The following FBN2 variants were observed in gnomAD, a reference collection of about 807,000 sequenced individuals.
FBN2 encodes fibrillin 2, also known as fibrillin-2.
Under a neutral mutation model 355.6 loss-of-function variants are expected in FBN2, and 105 were observed. That is an observed-to-expected ratio of 0.30 (90% CI 0.25 to 0.35). The LOEUF (loss-of-function observed/expected upper bound fraction) is 0.35, where lower values mean the gene tolerates loss of function less well. Ranked by LOEUF, FBN2 falls within the 10% of genes least tolerant of loss-of-function variation. FBN2 has a pLI of 1.00. For synonymous variants in FBN2, 1,350 were observed against 1,301.2 expected (o/e 1.04, Z -0.81); for missense variants, 3,280 against 3,758.7 (o/e 0.87, Z 3.33).
chr5:128,301,144 T>C (rs1284629168), intron 47 of FBN2, among the ~76,000 whole-genome samples: 1 of 152,226 alleles, frequency 6.6e-6, no homozygotes, highest in Non-Finnish European at 1.5e-5. Flanking sequence ...TTGTTGTCTT[T>C]GCTTACTTTT....
chr5:128,422,780 C>T (rs970589687), intron 7 of FBN2, among the ~76,000 whole-genome samples: 1 of 152,132 alleles, frequency 6.6e-6, no homozygotes, highest in Admixed American at 6.6e-5. Flanking sequence ...CAAAACTTTA[C>T]TGTGTGTAAG....
chr5:128,287,245 C>G (rs1030951533), intron 54 of FBN2, 63 bp downstream of exon 54: 1 of 1,572,810 alleles, frequency 6.4e-7, no homozygotes, highest in Non-Finnish European at 8.7e-7. Flanking sequence ...ACTATAAAAT[C>G]ATTAAGATGT....
chr5:128,444,715 T>C (rs1754021904), intron 7 of FBN2, among the ~76,000 whole-genome samples: 1 of 152,234 alleles, frequency 6.6e-6, no homozygotes, highest in African/African-American at 2.4e-5. Context: ...ACTTGTACTG[T>C]CTTTCTCCCA....
intron 62 of FBN2, 100 bp downstream of exon 62, chr5:128,271,899 A>C: frequency 7.1e-7 from 1 of 1,401,102 alleles, no homozygotes; most frequent in Non-Finnish European, 1.0e-6. Flanking sequence ...TCTAAAATTC[A>C]AAGGCTATAC....
chr5:128,400,233 C>A, intron 8 of FBN2, among the ~76,000 whole-genome samples: 2 of 148,226 alleles, frequency 1.3e-5, no homozygotes, highest in South Asian at 2.2e-4. Flanking sequence ...CAAAATAAAC[C>A]AAAAGAAAAT....
Position 128,374,647 on chromosome 5 carries a change from C to T in FBN2, c.2076G>A (p.Met692Ile). The T allele has an allele frequency of 6.2e-7, 1 of 1,613,962 alleles. No individual in the cohort carries two copies. The highest frequency in any genetic ancestry group is 8.5e-7 in the Non-Finnish European group (1 of 1,179,906). Reference protein sequence around the residue: ...CDCPPGLAVGMDGRVCVDTHM... With the variant: ...CDCPPGLAVGIDGRVCVDTHM... ...ACTTACCAACACACACACGTCCATC[C>T]ATGCCCACAGCCAGGCCTGGGGGAC... The change falls in exon 15 of 65, where the codon ATG becomes ATA. Residue 692 changes from methionine (M) to isoleucine (I), a missense_variant. By Grantham distance (10) the Met-to-Ile change is conservative (BLOSUM62 1). Transcript: ENST00000262464.
At chr5:128,422,816 T>C (rs914892131) in intron 7 of FBN2, among the ~76,000 whole-genome samples, 4 of 152,192 alleles carry the variant, frequency 2.6e-5, no homozygotes, top group African/African-American at 7.2e-5. Flanking sequence ...TTATTAAACA[T>C]GCAGATTTTG....
At chr5:128,449,475 A>C (rs1561462842) in intron 6 of FBN2, among the ~76,000 whole-genome samples, 2 of 147,618 alleles carry the variant, frequency 1.4e-5, no homozygotes, top group Non-Finnish European at 3.0e-5. Context: ...ATACTATTAA[A>C]CTATGGCATA....
intron 5 of FBN2, among the ~76,000 whole-genome samples, chr5:128,500,907 T>C (rs2127139607): frequency 6.6e-6 from 1 of 152,356 alleles, no homozygotes; most frequent in East Asian, 1.9e-4. Context: ...CCAGTCATTG[T>C]GATCTCTACC....
chr5:128,393,783 C>T (rs773044017), intron 9 of FBN2, among the ~76,000 whole-genome samples: 25 of 152,162 alleles, frequency 1.6e-4, no homozygotes, highest in South Asian at 4.2e-4. Flanking sequence ...TTTTTCCTGT[C>T]CATTTTTTTT....
At chr5:128,419,089 C>A (rs1052607539) in intron 7 of FBN2, among the ~76,000 whole-genome samples, 1 of 152,156 alleles carries the variant, frequency 6.6e-6, no homozygotes, top group Non-Finnish European at 1.5e-5. Context: ...GCCATTTATT[C>A]TTTGTATAAA....
rs1042655986 is a variant in FBN2 at position 128,268,603 on chromosome 5, G to A, written c.7960+3396C>T. Among the ~76,000 whole-genome samples the A allele has an allele frequency of 2.3e-4, 35 of 152,160 alleles. 1 individual carries two copies. Among genetic ancestry groups the A allele is most frequent in the African/African-American group, 8.0e-4 (33 of 41,428 alleles). Reference sequence around the variant, plus strand: ...GAAATTTCAGGCCAATATCCCTGACGAACATCGATGCGAAAATCCTCAATA... The same window carrying A: ...GAAATTTCAGGCCAATATCCCTGACAAACATCGATGCGAAAATCCTCAATA... On this transcript the variant is annotated intron_variant, in intron 62 of 64. Coordinates refer to ENST00000262464, the MANE Select transcript of FBN2 (RefSeq NM_001999.4).
intron 5 of FBN2, 144 bp from the exon 6 acceptor site, chr5:128,465,065 T>A: frequency 1.2e-6 from 1 of 825,736 alleles, no homozygotes; most frequent in African/African-American, 1.7e-5. Context: ...ATGTTAAAAA[T>A]TCATAATTTT....
chr5:128,434,395 T>C (rs1476676478), intron 7 of FBN2, among the ~76,000 whole-genome samples: 1 of 27,000 alleles, frequency 3.7e-5, no homozygotes, highest in Non-Finnish European at 7.3e-5. Flanking sequence ...ATAAAGTGTG[T>C]ATATATATAT....
intron 33 of FBN2, among the ~76,000 whole-genome samples, chr5:128,330,195 C>A (rs1750654642): frequency 1.3e-5 from 2 of 152,146 alleles, no homozygotes; most frequent in Non-Finnish European, 2.9e-5. Context: ...TAAATCAGGA[C>A]AGACAAGTTA....
intron 8 of FBN2, among the ~76,000 whole-genome samples, chr5:128,399,215 G>C (rs905609169): frequency 1.3e-5 from 2 of 152,118 alleles, no homozygotes; most frequent in Non-Finnish European, 2.9e-5. Context: ...CCATACCACT[G>C]TGAAACTGCA....
chr5:128,519,205 C>T (rs1443570862), intron 5 of FBN2, 68 bp downstream of exon 5: 4 of 1,097,028 alleles, frequency 3.6e-6, no homozygotes, highest in East Asian at 5.0e-5. Context: ...CATTGAATAG[C>T]AAAAAATTAT....
intron 62 of FBN2, 32 bp from the exon 63 acceptor site, chr5:128,263,688 G>A: frequency 1.9e-6 from 3 of 1,560,542 alleles, no homozygotes; most frequent in Middle Eastern, 1.7e-4. Context: ...CTCTTACACG[G>A]GGAAGCAGGC....
At chr5:128,495,365 G>A (rs1755627866) in intron 5 of FBN2, among the ~76,000 whole-genome samples, 1 of 152,056 alleles carries the variant, frequency 6.6e-6, no homozygotes, top group Non-Finnish European at 1.5e-5. Context: ...ACCAGAGGAA[G>A]AGGAGGAAAA....
Sources: allele counts gnomAD v4.1 joint callset (sites outside exome capture counted in the v4.1 genomes callset), GRCh38; gene constraint gnomAD v4.1.1; transcripts MANE v1.5; gene names NCBI Gene and HGNC (gene_info 2026-07-23, HGNC 2026-07-21).